TNR: variants seen among roughly 807,000 people sequenced by gnomAD.
The protein encoded by TNR is tenascin R.
In TNR, 45 loss-of-function variants were observed where a neutral mutation model predicts 150.4. The ratio of observed to expected loss-of-function variants is 0.30; its 90% CI spans 0.24 to 0.38. TNR has a LOEUF of 0.38. Among genes scored for constraint, TNR ranks in the 10% least tolerant of loss-of-function variants. The pLI is 1.00. For missense variants in TNR, 1,544 were observed against 1,759.1 expected (o/e 0.88, Z 2.19); for synonymous variants, 687 against 678.4 (o/e 1.01, Z -0.20).
chr1:175,733,166 A>G, intron 1 of TNR, among the ~76,000 whole-genome samples: 1 of 152,230 alleles, frequency 6.6e-6, no homozygotes, highest in South Asian at 2.1e-4. Flanking sequence ...CTTTAGCAAT[A>G]TTTGACCTTA....
In TNR at chr1:175,318,667, G is replaced by A. The variant is rs1648908855; in HGVS notation, c.*4690C>T. 1 of 152,228 alleles carries A rather than the reference G, an allele frequency of 6.6e-6. No individual in the cohort carries two copies. Among genetic ancestry groups the A allele is most frequent in the Non-Finnish European group, 1.5e-5 (1 of 68,084 alleles). The allele number at this position is 152,228 out of a possible 1,614,324, so 9.4% of individuals were successfully genotyped here. A position where few individuals can be genotyped will look rare whatever the true frequency, so the allele number is the denominator to read the frequency against. On this transcript the variant is annotated 3_prime_UTR_variant, in exon 23 of 23. Coordinates refer to ENST00000367674, the MANE Select transcript of TNR (RefSeq NM_003285.3). ...TTCAGCTAAACATCTTCAGGAATGT[G>A]GTCAAAGAGAGGCTACAGGAACAAC... is the stretch of plus-strand genomic sequence containing the variant.
At chr1:175,580,443 G>GCAAT (rs2102227968) in intron 1 of TNR, among the ~76,000 whole-genome samples, 1 of 152,294 alleles carries the variant, frequency 6.6e-6, no homozygotes, top group South Asian at 2.1e-4. Flanking sequence ...GTCATTCAAA[G>GCAAT]CAATGCCTTT....
rs746380335 is a variant in TNR at position 175,403,623 on chromosome 1, T to G, written c.500-7A>C. 2 of 1,605,254 alleles carry G rather than the reference T, an allele frequency of 1.2e-6. No homozygotes were observed. Among genetic ancestry groups the G allele is most frequent in the Admixed American group, 3.4e-5 (2 of 59,696 alleles). ...GGGATATAGTCCAGTTGTCCTGGAA[T>G]GGTCAAGGAGAAGGTCAAAGAGCAG... On this transcript the variant is annotated splice_region_variant and splice_polypyrimidine_tract_variant and intron_variant, in intron 3 of 22. Coordinates refer to ENST00000367674, the MANE Select transcript of TNR (RefSeq NM_003285.3).
chr1:175,695,878 GT>G (rs1455351942), intron 1 of TNR, among the ~76,000 whole-genome samples: 1 of 152,118 alleles, frequency 6.6e-6, no homozygotes, highest in African/African-American at 2.4e-5. Context: ...ACATGGTGCT[GT>G]TTTTACTTAT....
At chr1:175,544,467 T>C (rs1660613327) in intron 1 of TNR, among the ~76,000 whole-genome samples, 1 of 152,212 alleles carries the variant, frequency 6.6e-6, no homozygotes, top group South Asian at 2.1e-4. Flanking sequence ...TTAAAAACAT[T>C]ATTAACCAGG....
chr1:175,617,866 T>C (rs1421489446), intron 1 of TNR, among the ~76,000 whole-genome samples: 1 of 152,172 alleles, frequency 6.6e-6, no homozygotes, highest in Non-Finnish European at 1.5e-5. Flanking sequence ...TTCAAAGTAG[T>C]TTTCATTTTA....
intron 2 of TNR, among the ~76,000 whole-genome samples, chr1:175,412,782 G>A (rs984303854): frequency 5.3e-5 from 8 of 152,206 alleles, no homozygotes; most frequent in Non-Finnish European, 1.5e-5. Context: ...ATGGCATGAG[G>A]TGCTCCACTT....
At chr1:175,520,572 C>G (rs970421083) in intron 2 of TNR, among the ~76,000 whole-genome samples, 7 of 152,214 alleles carry the variant, frequency 4.6e-5, no homozygotes, top group African/African-American at 1.7e-4. Flanking sequence ...ACATGTCCAA[C>G]TTTAATGTTG....
chr1:175,545,015 A>G (rs532579420), intron 1 of TNR, among the ~76,000 whole-genome samples: 2 of 152,340 alleles, frequency 1.3e-5, no homozygotes, highest in Admixed American at 6.5e-5. Flanking sequence ...CCCTAAATGC[A>G]GACGGTATGT....
chr1:175,338,914 G>A (rs1197548944), intron 18 of TNR, among the ~76,000 whole-genome samples: 2 of 152,196 alleles, frequency 1.3e-5, no homozygotes, highest in East Asian at 1.9e-4. Flanking sequence ...CACCAGGACT[G>A]CCCTTCAACT....
chr1:175,427,765 T>A (rs985837297), intron 2 of TNR, among the ~76,000 whole-genome samples: 21 of 143,438 alleles, frequency 1.5e-4, no homozygotes, highest in Non-Finnish European at 2.3e-4. Context: ...CCTTCTTCCC[T>A]CCTTCCCTCT....
chr1:175,673,625 C>G (rs979204240), intron 1 of TNR, among the ~76,000 whole-genome samples: 2 of 152,216 alleles, frequency 1.3e-5, no homozygotes, highest in Non-Finnish European at 2.9e-5. Context: ...TGAGGATGTG[C>G]GGATGAATGA....
chr1:175,362,313 G>A (rs1334772795), intron 14 of TNR, among the ~76,000 whole-genome samples: 2 of 152,092 alleles, frequency 1.3e-5, no homozygotes, highest in East Asian at 1.9e-4. Context: ...TTTTCTTCTC[G>A]AGGTGAAATT....
intron 2 of TNR, among the ~76,000 whole-genome samples, chr1:175,436,132 C>T (rs1174281608): frequency 2.6e-5 from 4 of 152,072 alleles, no homozygotes; most frequent in Admixed American, 6.6e-5. Flanking sequence ...TTGCTCTTCT[C>T]GAGGAGTATC....
chr1:175,612,609 A>C (rs1010025675), intron 1 of TNR, among the ~76,000 whole-genome samples: 1 of 152,252 alleles, frequency 6.6e-6, no homozygotes, highest in African/African-American at 2.4e-5. Context: ...AAAACCCCCC[A>C]CTTTTCTTCA....
At chr1:175,446,624 T>C (rs1656056390) in intron 2 of TNR, among the ~76,000 whole-genome samples, 1 of 152,210 alleles carries the variant, frequency 6.6e-6, no homozygotes, top group Non-Finnish European at 1.5e-5. Context: ...TTTTAATTGT[T>C]CCTTTTGTTA....
chr1:175,704,783 A>G (rs1357279504), intron 1 of TNR, among the ~76,000 whole-genome samples: 1 of 152,226 alleles, frequency 6.6e-6, no homozygotes. Flanking sequence ...AGTAGATTAA[A>G]AACTATTTTC....
chr1:175,643,012 GA>G (rs1172066687), intron 1 of TNR, among the ~76,000 whole-genome samples: 1 of 152,188 alleles, frequency 6.6e-6, no homozygotes, highest in Non-Finnish European at 1.5e-5. Context: ...CAACTGGAAA[GA>G]GGGGCAAGTG....
At chr1:175,651,738 G>A (rs1665002185) in intron 1 of TNR, among the ~76,000 whole-genome samples, 1 of 151,862 alleles carries the variant, frequency 6.6e-6, no homozygotes, top group Non-Finnish European at 1.5e-5. Flanking sequence ...ATTATTGTGA[G>A]CCTAAAACTG....
Sources: gnomAD v4.1 joint callset for allele counts (sites outside exome capture counted in the v4.1 genomes callset) on GRCh38, gnomAD v4.1.1 for gene constraint, MANE v1.5 for transcripts, NCBI Gene and HGNC (gene_info 2026-07-23, HGNC 2026-07-21) for gene names.